Variants in USP34 observed in about 807,000 individuals in gnomAD.
USP34 encodes ubiquitin carboxyl-terminal hydrolase 34.
USP34 carries 70 observed loss-of-function variants against 460.3 expected under a neutral mutation model. The ratio of observed to expected loss-of-function variants is 0.15; its 90% confidence interval spans 0.13 to 0.19. The LOEUF is 0.19. Among genes scored for constraint, USP34 ranks in the 10% least tolerant of loss-of-function variants. USP34 has a pLI of 1.00. For synonymous variants in USP34, 1,647 were observed against 1,405.3 expected (o/e 1.17, Z -3.85); for missense variants, 3,985 against 4,236.2 (o/e 0.94, Z 1.65).
chr2:61,421,622 G>C (rs967804768), intron 1 of USP34, among the ~76,000 whole-genome samples: 4 of 152,106 alleles, frequency 2.6e-5, no homozygotes, highest in Non-Finnish European at 5.9e-5. Flanking sequence ...TTTATATATT[G>C]CTAGTGTCTT....
chr2:61,364,780 T>C (rs1317628266), intron 10 of USP34, among the ~76,000 whole-genome samples: 1 of 151,342 alleles, frequency 6.6e-6, no homozygotes, highest in Non-Finnish European at 1.5e-5. Context: ...AATACAAAAA[T>C]TAGACAATGT....
chr2:61,295,069 GAAGA>G, intron 31 of USP34, 37 bp from the exon 32 acceptor site: 3 of 1,603,284 alleles, frequency 1.9e-6, no homozygotes, highest in South Asian at 1.1e-5. Flanking sequence ...CAGAATGGCG[GAAGA>G]AAGAATTATT....
Position 61,214,413 on chromosome 2 carries a change from T to C in USP34, c.8329A>G (p.Met2777Val), listed in dbSNP as rs768121375. Residue 2777 changes from methionine (M) to valine (V), a missense_variant, in exon 68 of 80, where the codon ATG becomes GTG. By Grantham distance (21) the Met-to-Val change is conservative. This residue lies in a region of USP34 where 604 missense variants were observed against 684.8 expected (regional missense o/e 0.88). Coordinates refer to ENST00000398571, the MANE Select transcript of USP34 (RefSeq NM_014709.4). Reference protein sequence around the residue: ...TEKLMFSTYFMDLWNLFQPKL... With the variant: ...TEKLMFSTYFVDLWNLFQPKL... Reference sequence around the variant, plus strand: ...GGCTGGAAAAGGTTCCACAAATCCATGAAATATGTGGAAAACATCAGCTTC... The same window carrying C: ...GGCTGGAAAAGGTTCCACAAATCCACGAAATATGTGGAAAACATCAGCTTC... The C allele has an allele frequency of 1.2e-6, 2 of 1,614,168 alleles. No homozygotes were observed. The highest frequency in any genetic ancestry group is 1.7e-6 in the Non-Finnish European group (2 of 1,180,022).
chr2:61,193,706 C>T (rs1481715346), intron 75 of USP34, among the ~76,000 whole-genome samples: 2 of 152,172 alleles, frequency 1.3e-5, no homozygotes, highest in Non-Finnish European at 2.9e-5. Context: ...CTTCCACATC[C>T]CCTAGGGTCC....
chr2:61,347,861 T>C lies in USP34; in HGVS notation c.2285+9A>G, dbSNP rs368776650. The C allele has an allele frequency of 8.4e-5, 135 of 1,609,808 alleles. No homozygotes were observed. Among genetic ancestry groups the C allele is most frequent in the Non-Finnish European group, 1.0e-4 (123 of 1,177,176 alleles). ...TATGAACTGAATATTTATTTTGAAG[T>C]AGGCTTACCCATCGTGGTGGTGGTG... On this transcript the variant is annotated intron_variant, in intron 15 of 79. Coordinates refer to ENST00000398571, the MANE Select transcript of USP34 (RefSeq NM_014709.4).
At chr2:61,276,396 TTTC>T (rs1282186104) in intron 41 of USP34, among the ~76,000 whole-genome samples, 2 of 152,296 alleles carry the variant, frequency 1.3e-5, no homozygotes, top group African/African-American at 4.8e-5. Flanking sequence ...AAAAATACAT[TTTC>T]TTTTTTAATG....
chr2:61,337,236 AT>A (rs1370012459), intron 18 of USP34, among the ~76,000 whole-genome samples: 2 of 152,204 alleles, frequency 1.3e-5, no homozygotes, highest in Non-Finnish European at 2.9e-5. Context: ...TTTACATGAT[AT>A]AAATAAAATA....
chr2:61,205,724 G>A (rs1445349955), intron 72 of USP34, among the ~76,000 whole-genome samples: 3 of 152,186 alleles, frequency 2.0e-5, no homozygotes, highest in Admixed American at 1.3e-4. Flanking sequence ...ACATTTATAT[G>A]GTTCAACCTT....
At chr2:61,195,594 C>T (rs973336845) in intron 75 of USP34, among the ~76,000 whole-genome samples, 7 of 152,002 alleles carry the variant, frequency 4.6e-5, no homozygotes, top group Admixed American at 1.3e-4. Flanking sequence ...ATCACTTGAA[C>T]CCAGGAGGCA....
Position 61,187,913 on chromosome 2 carries a change from T to C in USP34, c.*189A>G. On this transcript the variant is annotated 3_prime_UTR_variant, in exon 80 of 80. Transcript: ENST00000398571. The stretch of plus-strand genomic sequence containing the variant: ...CATTATCTGATTGCCCTTTAGGAAG[T>C]ATACTGAAGATGCAAGTTTTTTTCA... 2 of 1,422,554 alleles carry C rather than the reference T, an allele frequency of 1.4e-6. No individual in the cohort carries two copies. The highest frequency in any genetic ancestry group is 1.6e-5 in the South Asian group (1 of 60,718). The allele number at this position is 1,422,554 out of a possible 1,614,324, so 88.1% of individuals were successfully genotyped here. A position where few individuals can be genotyped will look rare whatever the true frequency, so the allele number is the denominator to read the frequency against.
In USP34 at chr2:61,414,639, CACAA is replaced by C. The variant is rs199883449; in HGVS notation, c.131+6103_131+6106del. Among the ~76,000 whole-genome samples the C allele has an allele frequency of 6.5e-3, 984 of 152,190 alleles. 11 individuals carry two copies. The highest frequency in any genetic ancestry group is 0.023 in the African/African-American group (961 of 41,524). ...CTTTGAACAAAGAATAGGACAAAAGCACAAACAAAGCGAGGAAAGAATAAAACAA... is the reference window on the plus strand; with the variant it reads ...CTTTGAACAAAGAATAGGACAAAAGCACAAAGCGAGGAAAGAATAAAACAA... On this transcript the variant is annotated intron_variant, in intron 2 of 79. Coordinates refer to ENST00000398571, the MANE Select transcript of USP34 (RefSeq NM_014709.4).
rs567734722 is a variant in USP34 at position 61,455,211 on chromosome 2, G to A, written c.43+15439C>T. On this transcript the variant is annotated intron_variant, in intron 1 of 79. Coordinates refer to ENST00000398571, the MANE Select transcript of USP34 (RefSeq NM_014709.4). ...TGTTTGTTTTTGAGACAGAGTCTCCGTCTGTCACCCAACCTGGAGTGCAGT... is the reference window on the plus strand; with the variant it reads ...TGTTTGTTTTTGAGACAGAGTCTCCATCTGTCACCCAACCTGGAGTGCAGT... Among the ~76,000 whole-genome samples the A allele has an allele frequency of 6.6e-5, 10 of 151,632 alleles. No individual in the cohort carries two copies. The East Asian group carries it at 1.9e-3, about 30-fold the overall frequency.
In USP34 at chr2:61,348,015, T is replaced by C. The variant is rs761508918; in HGVS notation, c.2140A>G (p.Ile714Val). The C allele has an allele frequency of 5.6e-6, 9 of 1,614,064 alleles. No homozygotes were observed. Among genetic ancestry groups the C allele is most frequent in the African/African-American group, 2.7e-5 (2 of 74,916 alleles). Residue 714 changes from isoleucine (I) to valine (V), a missense_variant, in exon 15 of 80, where the codon ATA becomes GTA. This residue lies in a region of USP34 where 716 missense variants were observed against 626.2 expected (regional missense o/e 1.14). Transcript: ENST00000398571. ...DISGEMNATH[I>V]AQGSQESCIT... Reference sequence around the variant, plus strand: ...CAAGACTCCTGAGACCCTTGTGCTATATGAGTAGCATTCATTTCCCCTGAA... The same window carrying C: ...CAAGACTCCTGAGACCCTTGTGCTACATGAGTAGCATTCATTTCCCCTGAA...
chr2:61,214,007 G>A, intron 68 of USP34, 53 bp downstream of exon 68: 2 of 1,596,326 alleles, frequency 1.3e-6, no homozygotes, highest in Non-Finnish European at 1.7e-6. Context: ...GGGAAAAACA[G>A]GTATTTCCAA....
At chr2:61,229,491 AAAACAC>A in intron 59 of USP34, 51 bp downstream of exon 59, 4 of 1,064,976 alleles carry the variant, frequency 3.8e-6, no homozygotes, top group South Asian at 2.0e-5. Flanking sequence ...AAAAAAAACA[AAAACAC>A]CACACACACA....
intron 18 of USP34, among the ~76,000 whole-genome samples, chr2:61,334,762 G>A (rs1386260960): frequency 6.6e-6 from 1 of 152,026 alleles, no homozygotes; most frequent in Non-Finnish European, 1.5e-5. Flanking sequence ...ATAATGGTGT[G>A]GTTCATGAAA....
At chr2:61,387,321 C>T (rs1474458504) in intron 5 of USP34, among the ~76,000 whole-genome samples, 1 of 151,548 alleles carries the variant, frequency 6.6e-6, no homozygotes, top group Admixed American at 6.6e-5. Context: ...AAAATTTAGC[C>T]AGGCTTGGTA....
At chr2:61,289,174 T>TG (rs999192170) in intron 33 of USP34, among the ~76,000 whole-genome samples, 1 of 152,092 alleles carries the variant, frequency 6.6e-6, no homozygotes, top group African/African-American at 2.4e-5. Flanking sequence ...ATGAGATTTT[T>TG]GAAAAAACAT....
intron 61 of USP34, among the ~76,000 whole-genome samples, chr2:61,227,758 A>G (rs192328613): frequency 1.4e-4 from 22 of 152,008 alleles, no homozygotes; most frequent in Admixed American, 1.2e-3. Context: ...AAAAAACCTC[A>G]ACACTGACTA....
Sources: gnomAD v4.1 joint callset for allele counts (sites outside exome capture counted in the v4.1 genomes callset) on GRCh38, gnomAD v4.1.1 for gene constraint, gnomAD v4.1.1 regional missense constraint, MANE v1.5 for transcripts, NCBI Gene and HGNC (gene_info 2026-07-23, HGNC 2026-07-21) for gene names.